ZNF263: variants seen among roughly 807,000 people sequenced by gnomAD.
ZNF263 encodes the protein zinc finger protein 263.
In ZNF263, 49 loss-of-function variants were observed where a neutral mutation model predicts 63.1. The observed-to-expected ratio is 0.78, with a 90% confidence interval of 0.62 to 0.99. The LOEUF (loss-of-function observed/expected upper bound fraction) is 0.99. Ranked by LOEUF, ZNF263 falls within the 50% of genes least tolerant of loss-of-function variation. The pLI is 0.00. For missense variants in ZNF263, 872 were observed against 854.8 expected (o/e 1.02, Z -0.25); for synonymous variants, 352 against 324.2 (o/e 1.09, Z -0.92).
In ZNF263 at chr16:3,286,071, T is replaced by TG. The variant is rs755722373; in HGVS notation, c.696dup (p.His233AlafsTer5). 9.3e-6 allele frequency: 15 copies of TG among 1,612,228 alleles called. No individual in the cohort carries two copies. The South Asian group carries it at 1.5e-4, about 17-fold the overall frequency. On this transcript the variant is annotated frameshift_variant, in exon 4 of 6. Transcript: ENST00000219069. LOFTEE classifies it high-confidence loss of function. ...GGCAATGTACATCTCCCAGGAGGAG[T>TG]GGGGGCATCAGGATCCTAGTAAGAG... is the stretch of plus-strand genomic sequence containing the variant.
chr16:3,290,804 C>G lies in ZNF263; in HGVS notation c.*246C>G. On this transcript the variant is annotated 3_prime_UTR_variant, in exon 6 of 6. Transcript: ENST00000219069. ...AGGGTGGAATTCTCTGTTAAGTCCACCCTGCCCCAGGGTGCTCCTACCCTC... is the reference window on the plus strand; with the variant it reads ...AGGGTGGAATTCTCTGTTAAGTCCAGCCTGCCCCAGGGTGCTCCTACCCTC... 19 of 1,294,162 alleles carry G rather than the reference C, an allele frequency of 1.5e-5. No individual in the cohort carries two copies. Among genetic ancestry groups the G allele is most frequent in the Non-Finnish European group, 1.9e-5 (19 of 1,020,736 alleles). 80.2% of individuals were successfully genotyped at this position (1,294,162 alleles called of 1,614,324 possible).
chr16:3,287,154 T>C (rs1959392192), intron 4 of ZNF263, among the ~76,000 whole-genome samples: 1 of 152,212 alleles, frequency 6.6e-6, no homozygotes, highest in Admixed American at 6.5e-5. Flanking sequence ...GTACATTTGT[T>C]GACACTAATT....
At chr16:3,286,374 G>A in intron 4 of ZNF263, 1 of 504,046 alleles carries the variant, frequency 2.0e-6, no homozygotes, top group Non-Finnish European at 3.3e-6. Context: ...CCTAAGGCGA[G>A]TCTGAGCCAT....
intron 1 of ZNF263, among the ~76,000 whole-genome samples, chr16:3,298,114 T>C (rs777014865): frequency 2.0e-5 from 3 of 152,180 alleles, no homozygotes; most frequent in Non-Finnish European, 4.4e-5. Flanking sequence ...TAAAAAACCA[T>C]CAAATGTGAG....
downstream of ZNF263, among the ~76,000 whole-genome samples, chr16:3,292,005 T>G (rs1030173704): frequency 6.6e-6 from 1 of 152,158 alleles, no homozygotes; most frequent in African/African-American, 2.4e-5. Context: ...GTTCCCGAGC[T>G]CAAGCCTTCT....
downstream of ZNF263, among the ~76,000 whole-genome samples, chr16:3,294,934 G>C (rs546153395): frequency 6.6e-6 from 1 of 152,308 alleles, no homozygotes; most frequent in Admixed American, 6.5e-5. Context: ...ATGAGGAATT[G>C]CTTGCCCTCC....
At chr16:3,299,304 A>G in intron 2 of ZNF263, 1 of 1,608,512 alleles carries the variant, frequency 6.2e-7, no homozygotes, top group Non-Finnish European at 8.5e-7. Flanking sequence ...ACCACACCCT[A>G]TCATCATCCA....
Position 3,285,253 on chromosome 16 carries a change from A to G in ZNF263, c.568+14A>G. On this transcript the variant is annotated intron_variant, in intron 2 of 5. Coordinates refer to ENST00000219069, the MANE Select transcript of ZNF263 (RefSeq NM_005741.5). ...TAAAGGAGAGGGGTGAGGCACAGTT[A>G]TCTGGGCAGGTGGGAGGGAGGAGGG... 4 of 1,604,478 alleles carry G rather than the reference A, an allele frequency of 2.5e-6. No individual in the cohort carries two copies.
In ZNF263 at chr16:3,283,665, C is replaced by T; in HGVS notation, c.-154C>T. 4 of 1,254,278 alleles carry T rather than the reference C, an allele frequency of 3.2e-6. No homozygotes were observed. The highest frequency in any genetic ancestry group is 2.6e-5 in the South Asian group (1 of 38,126). The allele number at this position is 1,254,278 out of a possible 1,614,324, so 77.7% of individuals were successfully genotyped here. On this transcript the variant is annotated 5_prime_UTR_variant, in exon 1 of 6. Transcript: ENST00000219069. ...CCGACTGAGGCCTAGGCGCCGGAGC[C>T]GGCCGCGCCTGGGCTGGAGCGGGGC...
intron 5 of ZNF263, 142 bp from the exon 6 acceptor site, chr16:3,289,251 T>G: frequency 1.2e-6 from 1 of 831,596 alleles, no homozygotes; most frequent in South Asian, 2.6e-5. Context: ...TCCAGAGTGC[T>G]TTACCTTTAG....
At chr16:3,299,338 T>G in intron 2 of ZNF263, 1 of 1,592,158 alleles carries the variant, frequency 6.3e-7, no homozygotes, top group South Asian at 1.2e-5. Flanking sequence ...CTCCCCACAT[T>G]TTTCAAGAAT....
chr16:3,283,847 G>T lies in ZNF263; in HGVS notation c.29G>T (p.Arg10Leu). Residue 10 changes from arginine to leucine, a missense_variant, in exon 1 of 6, where the codon CGG becomes CTG. Arg to Leu is a moderately radical substitution (Grantham distance 102). Coordinates refer to ENST00000219069, the MANE Select transcript of ZNF263 (RefSeq NM_005741.5). Reference protein sequence around the residue: MASGPGSQEREGLLIVKLEE... With the variant: MASGPGSQELEGLLIVKLEE... ...GCGTCGGGCCCGGGCTCCCAGGAACGGGAAGGGCTCCTGATAGTGAAGCTG... is the reference window on the plus strand; with the variant it reads ...GCGTCGGGCCCGGGCTCCCAGGAACTGGAAGGGCTCCTGATAGTGAAGCTG... 1 of 1,586,684 alleles carries T rather than the reference G, an allele frequency of 6.3e-7. No individual in the cohort carries two copies. The highest frequency in any genetic ancestry group is 8.6e-7 in the Non-Finnish European group (1 of 1,167,616).
chr16:3,296,474 T>C (rs1959748418), intron 1 of ZNF263, among the ~76,000 whole-genome samples: 1 of 151,746 alleles, frequency 6.6e-6, no homozygotes. Flanking sequence ...AATTACTACC[T>C]TCGCCCTCAC....
chr16:3,299,536 T>A, intron 2 of ZNF263: 1 of 1,528,034 alleles, frequency 6.5e-7, no homozygotes, highest in Non-Finnish European at 8.8e-7. Context: ...TTTCTCTTGC[T>A]CATCATCACT....
chr16:3,297,494 T>A (rs1160230301), intron 1 of ZNF263, among the ~76,000 whole-genome samples: 1 of 125,296 alleles, frequency 8.0e-6, no homozygotes, highest in Admixed American at 9.6e-5. Context: ...AGACGGAGTC[T>A]CGCTCTGTCG....
At chr16:3,299,042 C>A in intron 1 of ZNF263, 1 of 1,378,778 alleles carries the variant, frequency 7.3e-7, no homozygotes, top group Non-Finnish European at 9.4e-7. Flanking sequence ...AAAAAGCTAC[C>A]AATTCTAGAA....
At chr16:3,300,480 A>C in intron 2 of ZNF263, 1 of 1,613,956 alleles carries the variant, frequency 6.2e-7, no homozygotes, top group Non-Finnish European at 8.5e-7. Flanking sequence ...TATTTTTTTT[A>C]ATGTCATAAA....
intron 5 of ZNF263, 50 bp from the exon 6 acceptor site, chr16:3,289,343 T>G: frequency 6.7e-7 from 1 of 1,485,660 alleles, no homozygotes; most frequent in Non-Finnish European, 8.9e-7. Flanking sequence ...GGATTTTCTT[T>G]TCTCCAGCAT....
intron 1 of ZNF263, 31 bp downstream of exon 1, chr16:3,284,236 GGTTT>G (rs775289586): frequency 2.7e-6 from 4 of 1,504,406 alleles, no homozygotes; most frequent in South Asian, 2.7e-5. Context: ...TTTTATCTGT[GGTTT>G]GTTTAGCCCT....
Sources: allele counts gnomAD v4.1 joint callset (sites outside exome capture counted in the v4.1 genomes callset), GRCh38; gene constraint gnomAD v4.1.1; transcripts MANE v1.5; gene names NCBI Gene and HGNC (gene_info 2026-07-23, HGNC 2026-07-21).